The following HOMEZ variants were observed in gnomAD, a reference collection of about 807,000 sequenced individuals.
HOMEZ encodes homeobox and leucine zipper encoding.
A neutral mutation model predicts 50.1 loss-of-function variants in HOMEZ; 20 were observed. The observed-to-expected ratio is 0.40, with a 90% CI of 0.28 to 0.58. HOMEZ has a LOEUF of 0.58. Among genes scored for constraint, HOMEZ ranks in the 20% least tolerant of loss-of-function variants. The pLI is 0.46. For missense variants in HOMEZ, 579 were observed against 680.5 expected (o/e 0.85, Z 1.66); for synonymous variants, 239 against 254.7 (o/e 0.94, Z 0.59).
At chr14:23,280,661 C>G (rs1886469885) in intron 1 of HOMEZ, among the ~76,000 whole-genome samples, 2 of 150,626 alleles carry the variant, frequency 1.3e-5, no homozygotes, top group Non-Finnish European at 3.0e-5. Context: ...ACCCTTTACT[C>G]TTAGGGGAAT....
In HOMEZ at chr14:23,285,987, C is replaced by T. The variant is rs1460727862; in HGVS notation, c.-35G>A. 1.6e-6 allele frequency: 2 copies of T among 1,236,672 alleles called. No homozygotes were observed. Among genetic ancestry groups the T allele is most frequent in the Non-Finnish European group, 2.0e-6 (2 of 985,482 alleles). The allele number at this position is 1,236,672 out of a possible 1,614,324, so 76.6% of individuals were successfully genotyped here. A position where few individuals can be genotyped will look rare whatever the true frequency, so the allele number is the denominator to read the frequency against. On this transcript the variant is annotated 5_prime_UTR_variant, in exon 1 of 2. Transcript: ENST00000357460. ...GGAAGTGGGGGAGAGGGCAGGGGGC[C>T]TCCGAGTGGGAGTGGGGTTGCTGCC... is the stretch of plus-strand genomic sequence containing the variant.
In HOMEZ at chr14:23,273,493, A is replaced by G. The variant is rs1458921673; in HGVS notation, c.*2082T>C. Reference sequence around the variant, plus strand: ...ATTGCTACAATTCTATCACTTTTACAAGCTCTAGAATGGTGGAATGGGCGA... The same window carrying G: ...ATTGCTACAATTCTATCACTTTTACGAGCTCTAGAATGGTGGAATGGGCGA... On this transcript the variant is annotated 3_prime_UTR_variant, in exon 2 of 2. Coordinates refer to ENST00000357460, the MANE Select transcript of HOMEZ (RefSeq NM_020834.3). 6.6e-6 allele frequency: 1 copy of G among 152,224 alleles called. No homozygotes were observed. Among genetic ancestry groups the G allele is most frequent in the Non-Finnish European group, 1.5e-5 (1 of 68,040 alleles). 9.4% of individuals were successfully genotyped at this position (152,224 alleles called of 1,614,324 possible).
rs759669768 is a variant in HOMEZ at position 23,276,383 on chromosome 14, G to A, written c.845C>T (p.Thr282Ile). ...AGAAGAGGTAGAGGAAGAAGAGGGAGTAACACTAGATGCTGACTCCTCCTT... is the reference window on the plus strand; with the variant it reads ...AGAAGAGGTAGAGGAAGAAGAGGGAATAACACTAGATGCTGACTCCTCCTT... ...SCKEESASSV[T>I]PSSSSTSSSF... The change falls in exon 2 of 2, where the codon ACT (threonine) becomes ATT (isoleucine). Residue 282 changes from threonine (T) to isoleucine (I), a missense_variant. Transcript: ENST00000357460. This position sits in a 1 kb window ranked among gnomAD's most constrained non-coding sequence, Gnocchi z 4.1. The A allele has an allele frequency of 1.2e-6, 2 of 1,614,034 alleles. No homozygotes were observed. Among genetic ancestry groups the A allele is most frequent in the South Asian group, 2.2e-5 (2 of 91,080 alleles).
intron 1 of HOMEZ, 65 bp downstream of exon 1, chr14:23,285,848 G>A: frequency 1.1e-6 from 1 of 924,410 alleles, no homozygotes; most frequent in Admixed American, 4.3e-5. Context: ...CGGGGATGGG[G>A]CTCCAGAGGT....
intron 1 of HOMEZ, among the ~76,000 whole-genome samples, chr14:23,281,524 A>G (rs532401443): frequency 7.9e-5 from 12 of 152,124 alleles, no homozygotes; most frequent in Non-Finnish European, 1.6e-4. Flanking sequence ...ACTACGTGCT[A>G]GGTGTTATGC....
rs909303742 is a variant in HOMEZ at position 23,281,140 on chromosome 14, C to T, written c.41-3953G>A. On this transcript the variant is annotated intron_variant, in intron 1 of 1. Coordinates refer to ENST00000357460, the MANE Select transcript of HOMEZ (RefSeq NM_020834.3). The stretch of plus-strand genomic sequence containing the variant: ...ACAGGATTCCTATGTAAATGCTACA[C>T]GATGAATTGCAAAAATAAACCTCAA... Among the ~76,000 whole-genome samples the T allele has an allele frequency of 4.6e-5, 7 of 152,212 alleles. No individual in the cohort carries two copies. The East Asian group carries it at 1.2e-3, about 25-fold the overall frequency.
Position 23,285,956 on chromosome 14 carries a change from C to T in HOMEZ, c.-4G>A. 8.0e-7 allele frequency: 1 copy of T among 1,243,732 alleles called. No individual in the cohort carries two copies. The highest frequency in any genetic ancestry group is 1.0e-6 in the Non-Finnish European group (1 of 987,048). 77.0% of individuals were successfully genotyped at this position (1,243,732 alleles called of 1,614,324 possible). On this transcript the variant is annotated 5_prime_UTR_variant, in exon 1 of 2. Transcript: ENST00000357460. ...GCGGCTCCCAGCCTCGCACCATGGGCCGGGGGGAAGTGGGGGAGAGGGCAG... is the reference window on the plus strand; with the variant it reads ...GCGGCTCCCAGCCTCGCACCATGGGTCGGGGGGAAGTGGGGGAGAGGGCAG...
chr14:23,275,384 CCTTA>C lies in HOMEZ; in HGVS notation c.*187_*190del, dbSNP rs1245987560. ...TGGATTTCTGCTGATCCAATCCCAG[CCTTA>C]CTTAGTGCCCTATGGTCATTCTCCC... On this transcript the variant is annotated 3_prime_UTR_variant, in exon 2 of 2. Coordinates refer to ENST00000357460, the MANE Select transcript of HOMEZ (RefSeq NM_020834.3). 1.5e-6 allele frequency: 1 copy of C among 657,622 alleles called. No homozygotes were observed. The highest frequency in any genetic ancestry group is 3.2e-5 in the Admixed American group (1 of 31,394). 40.7% of individuals were successfully genotyped at this position (657,622 alleles called of 1,614,324 possible).
Position 23,273,010 on chromosome 14 carries a change from T to A in HOMEZ, c.*2565A>T. The A allele has an allele frequency of 3.4e-6, 2 of 594,922 alleles. No homozygotes were observed. The highest frequency in any genetic ancestry group is 2.2e-5 in the South Asian group (1 of 46,278). The allele number at this position is 594,922 out of a possible 1,614,324, so 36.9% of individuals were successfully genotyped here. ...TGCATTGTTTCCTAGTTTCACTCTG[T>A]ACCTTATGCTCCCCCCATCTTTACC... On this transcript the variant is annotated 3_prime_UTR_variant, in exon 2 of 2. Transcript: ENST00000357460.
Position 23,276,274 on chromosome 14 carries a change from G to C in HOMEZ, c.954C>G (p.Pro318=), listed in dbSNP as rs763080915. The change falls in exon 2 of 2, where the codon CCC becomes CCG. Residue 318 remains proline, a synonymous_variant. Transcript: ENST00000357460. This position sits in a 1 kb window ranked among gnomAD's most constrained non-coding sequence, Gnocchi z 4.1. Reference sequence around the variant, plus strand: ...GATGTGGGGGTAATGCCTGTTCACTGGGTGACACTGACTGTGGGACACAGC... The same window carrying C: ...GATGTGGGGGTAATGCCTGTTCACTCGGTGACACTGACTGTGGGACACAGC... ...PLGCVPQSVS[P]SEQALPPHLE... 1.9e-6 allele frequency: 3 copies of C among 1,613,950 alleles called. No homozygotes were observed. The Admixed American group carries it at 5.0e-5, about 27-fold the overall frequency.
At position 23,275,607 on chromosome 14, in the gene HOMEZ, CA is replaced by C; in HGVS notation, c.1620del (p.Asp540GlufsTer7). 5.2e-6 allele frequency: 8 copies of C among 1,538,086 alleles called. No individual in the cohort carries two copies. The highest frequency in any genetic ancestry group is 1.5e-5 in the African/African-American group (1 of 68,958). On this transcript the variant is annotated frameshift_variant, in exon 2 of 2. Transcript: ENST00000357460. LOFTEE classifies it high-confidence loss of function. ...TGTATGATCACATCATCATCATCAT[CA>C]TCATCATCTTCCTCCTCCTCCTCCT... ...EEEEEEEEDD[D>X]DDDDDVIIQD
intron 1 of HOMEZ, among the ~76,000 whole-genome samples, chr14:23,281,262 A>G (rs997332496): frequency 1.3e-5 from 2 of 152,216 alleles, no homozygotes; most frequent in Non-Finnish European, 2.9e-5. Context: ...CCTTTTAACA[A>G]GCAAATCTAA....
Position 23,280,778 on chromosome 14 carries a change from AT to A in HOMEZ, c.41-3592del, listed in dbSNP as rs200828569. ...ATTTTATTTTATTTTATTTTATTTT[AT>A]TTTATTTTATTTGGAGACGGAGTCT... is the stretch of plus-strand genomic sequence containing the variant. On this transcript the variant is annotated intron_variant, in intron 1 of 1. Transcript: ENST00000357460. 8.1e-3 allele frequency among the ~76,000 whole-genome samples: 817 copies of A among 100,692 alleles called. 45 individuals are homozygous for A. Among genetic ancestry groups the A allele is most frequent in the African/African-American group, 0.028 (770 of 27,868 alleles). The allele number at this position is 100,692 out of a possible 152,430, so 66.1% of individuals were successfully genotyped here.
At position 23,275,610 on chromosome 14, in the gene HOMEZ, CA is replaced by C. The variant is rs755138681; in HGVS notation, c.1617del (p.Asp539GlufsTer8). 1.4e-4 allele frequency: 210 copies of C among 1,533,642 alleles called. No individual in the cohort carries two copies. The East Asian group carries it at 2.6e-3, about 19-fold the overall frequency. On this transcript the variant is annotated frameshift_variant, in exon 2 of 2. Transcript: ENST00000357460. LOFTEE classifies it high-confidence loss of function. ...EEEEEEEEED[D>X]DDDDDDVIIQ... The stretch of plus-strand genomic sequence containing the variant: ...ATGATCACATCATCATCATCATCAT[CA>C]TCATCTTCCTCCTCCTCCTCCTCCT...
intron 1 of HOMEZ, among the ~76,000 whole-genome samples, chr14:23,284,289 T>C (rs1015591087): frequency 2.6e-5 from 4 of 152,232 alleles, no homozygotes; most frequent in African/African-American, 9.6e-5. Flanking sequence ...AAAGAGTTGA[T>C]GGAATACTCA....
intron 1 of HOMEZ, among the ~76,000 whole-genome samples, chr14:23,281,179 G>C (rs919449856): frequency 2.0e-5 from 3 of 152,066 alleles, no homozygotes; most frequent in Non-Finnish European, 2.9e-5. Flanking sequence ...CATACATTTA[G>C]AGCAATGTGA....
At chr14:23,284,101 C>A (rs528702655) in intron 1 of HOMEZ, among the ~76,000 whole-genome samples, 2 of 152,266 alleles carry the variant, frequency 1.3e-5, no homozygotes, top group South Asian at 2.1e-4. Context: ...AAGTTACAGA[C>A]CCTCAGAAAG....
intron 1 of HOMEZ, among the ~76,000 whole-genome samples, chr14:23,279,670 A>G (rs1886445672): frequency 1.3e-5 from 2 of 152,234 alleles, no homozygotes; most frequent in South Asian, 4.1e-4. Context: ...TTTAGAACTC[A>G]TATCTAATGC....
At position 23,277,133 on chromosome 14, in the gene HOMEZ, C is replaced by T. The variant is rs1257135933; in HGVS notation, c.95G>A (p.Ser32Asn). The T allele has an allele frequency of 6.2e-7, 1 of 1,612,368 alleles. No homozygotes were observed. Among genetic ancestry groups the T allele is most frequent in the Non-Finnish European group, 8.5e-7 (1 of 1,179,088 alleles). The change falls in exon 2 of 2, where the codon AGC becomes AAC. Residue 32 changes from serine (S) to asparagine (N), a missense_variant. By Grantham distance (46) the Ser-to-Asn change is conservative. Coordinates refer to ENST00000357460, the MANE Select transcript of HOMEZ (RefSeq NM_020834.3). Reference protein sequence around the residue: ...EGTMPPNKEASGLSSSPAGLI... With the variant: ...EGTMPPNKEANGLSSSPAGLI... Reference sequence around the variant, plus strand: ...CCCCGCTGGTGAACTACTGAGACCGCTGGCCTCTTTATTAGGAGGCATGGT... The same window carrying T: ...CCCCGCTGGTGAACTACTGAGACCGTTGGCCTCTTTATTAGGAGGCATGGT...
Sources: allele counts gnomAD v4.1 joint callset (sites outside exome capture counted in the v4.1 genomes callset), GRCh38; gene constraint gnomAD v4.1.1; non-coding constraint Gnocchi (gnomAD v3.1); transcripts MANE v1.5; gene names NCBI Gene and HGNC (gene_info 2026-07-23, HGNC 2026-07-21).